Variants in NPC1 observed in about 807,000 individuals in gnomAD.
The protein encoded by NPC1 is Niemann-Pick C1 protein.
NPC1 carries 85 observed loss-of-function variants against 140.4 expected under a neutral mutation model. That is an observed-to-expected ratio of 0.61 (90% CI 0.51 to 0.72). The LOEUF (loss-of-function observed/expected upper bound fraction) is 0.72, where lower values mean the gene tolerates loss of function less well. NPC1 is among the 30% of genes least tolerant of loss of function. The probability of loss-of-function intolerance (pLI) is 0.00; values close to 1 mark genes in which losing one functional copy is unlikely to be tolerated. For synonymous variants in NPC1, 656 were observed against 624.8 expected (o/e 1.05, Z -0.74); for missense variants, 1,504 against 1,623.8 (o/e 0.93, Z 1.27).
Position 23,535,694 on chromosome 18 carries a change from A to C in NPC1, c.3252T>G (p.Phe1084Leu). The C allele has an allele frequency of 1.9e-6, 3 of 1,610,738 alleles. No individual in the cohort carries two copies. Among genetic ancestry groups the C allele is most frequent in the Non-Finnish European group, 8.5e-7 (1 of 1,176,950 alleles). The part of the protein sequence containing the change: ...SAYRVFPYSV[F>L]YVFYEQYLTI... ...TCAGGTACTGTTCGTAGAAGACATA[A>C]AACACACTGGAGGGGAGAGGGGAGG... Residue 1084 changes from phenylalanine to leucine, a missense_variant, in exon 22 of 25, where the codon TTT becomes TTG. By Grantham distance (22) the Phe-to-Leu change is conservative. Coordinates refer to ENST00000269228, the MANE Select transcript of NPC1 (RefSeq NM_000271.5).
chr18:23,539,884 C>A lies in NPC1; in HGVS notation c.2722G>T (p.Val908Leu), dbSNP rs1418861175. 2 of 1,614,220 alleles carry A rather than the reference C, an allele frequency of 1.2e-6. No individual in the cohort carries two copies. The highest frequency in any genetic ancestry group is 1.7e-6 in the Non-Finnish European group (2 of 1,180,048). The change falls in exon 18 of 25, where the codon GTG becomes TTG. Residue 908 changes from valine to leucine, a missense_variant. Val to Leu is a conservative substitution (Grantham distance 32). Transcript: ENST00000269228. ...DYTSSKGQNMVCGGMGCNNDS... is the reference protein window; with the variant it reads ...DYTSSKGQNMLCGGMGCNNDS... ...TTGTTGCAGCCCATGCCGCCGCACA[C>A]CATGTTCTGCCCCTTGGAAGAAGTG...
chr18:23,557,744 AAAAC>A (rs10593231), intron 6 of NPC1, among the ~76,000 whole-genome samples: 22,659 of 152,088 alleles, frequency 0.15, 1,822 homozygotes, highest in Middle Eastern at 0.28. Flanking sequence ...CCATCTCAAA[AAAAC>A]AAACAAACAA....
chr18:23,529,789 G>T, downstream of NPC1: 1 of 1,402,496 alleles, frequency 7.1e-7, no homozygotes, highest in South Asian at 1.2e-5. Context: ...CTTAGAAGAT[G>T]ACTCATATGC....
At chr18:23,546,046 C>T (rs1433085663) in intron 11 of NPC1, among the ~76,000 whole-genome samples, 2 of 151,726 alleles carry the variant, frequency 1.3e-5, no homozygotes, top group Admixed American at 6.6e-5. Context: ...GTCAAGAGTT[C>T]GAGACTAGCC....
At chr18:23,586,193 C>T in intron 1 of NPC1, 94 bp downstream of exon 1, 2 of 1,375,956 alleles carry the variant, frequency 1.5e-6, no homozygotes, top group African/African-American at 1.5e-5. Context: ...TTCCCCAGGA[C>T]CCGGGCCTGA....
At chr18:23,543,598 ACATT>A in intron 13 of NPC1, 29 bp from the exon 14 acceptor site, 1 of 1,299,144 alleles carries the variant, frequency 7.7e-7, no homozygotes, top group Non-Finnish European at 1.1e-6. Flanking sequence ...AAATTATGCG[ACATT>A]AAAATTTCTC....
intron 10 of NPC1, 75 bp downstream of exon 10, chr18:23,551,551 TA>T: frequency 9.1e-7 from 1 of 1,098,756 alleles, no homozygotes; most frequent in Non-Finnish European, 1.4e-6. Flanking sequence ...GAAATCTTCA[TA>T]ATTACCACTT....
At chr18:23,586,005 CCTT>C (rs1567991443) in intron 1 of NPC1, among the ~76,000 whole-genome samples, 1 of 152,216 alleles carries the variant, frequency 6.6e-6, no homozygotes, top group African/African-American at 2.4e-5. Context: ...CACTTTCCTC[CCTT>C]CTTCTGGTGC....
chr18:23,513,908 A>G (rs546357304), intron 3 of NPC1, among the ~76,000 whole-genome samples: 1 of 152,264 alleles, frequency 6.6e-6, no homozygotes, highest in South Asian at 2.1e-4. Flanking sequence ...AGTTCTTTAT[A>G]TATTCTGATA....
intron 14 of NPC1, among the ~76,000 whole-genome samples, chr18:23,543,008 C>T (rs2058732512): frequency 6.6e-6 from 1 of 152,090 alleles, no homozygotes; most frequent in African/African-American, 2.4e-5. Context: ...TGATACTTTC[C>T]CAGTGCAGAA....
At chr18:23,540,039 A>G (rs1555633368) in intron 17 of NPC1, 38 bp from the exon 18 acceptor site, 2 of 1,550,532 alleles carry the variant, frequency 1.3e-6, no homozygotes, top group East Asian at 2.2e-5. Flanking sequence ...GAGTGTGAAC[A>G]CTCTGATAGT....
intron 3 of NPC1, chr18:23,516,049 C>G (rs2057994275): frequency 6.2e-7 from 1 of 1,610,686 alleles, no homozygotes; most frequent in Non-Finnish European, 8.5e-7. Flanking sequence ...GTCCCCTGTT[C>G]CTGTAGCATC....
In NPC1 at chr18:23,531,829, A is replaced by G. The variant is rs528272735; in HGVS notation, c.*373T>C. 1 of 1,483,356 alleles carries G rather than the reference A, an allele frequency of 6.7e-7. No individual in the cohort carries two copies. Among genetic ancestry groups the G allele is most frequent in the East Asian group, 2.4e-5 (1 of 41,224 alleles). The allele number at this position is 1,483,356 out of a possible 1,614,324, so 91.9% of individuals were successfully genotyped here. A position where few individuals can be genotyped will look rare whatever the true frequency, so the allele number is the denominator to read the frequency against. ...CCTCAACTGTCACTAAAAATATGGT[A>G]TAGAACTTGTGGGATGGCTTACTCC... On this transcript the variant is annotated 3_prime_UTR_variant, in exon 25 of 25. Transcript: ENST00000269228.
downstream of NPC1, chr18:23,527,818 T>G: frequency 6.2e-7 from 1 of 1,614,118 alleles, no homozygotes; most frequent in Non-Finnish European, 8.5e-7. Context: ...AGACAGAGCA[T>G]CGCTGCCCGT....
At chr18:23,520,343 C>T (rs768314783), downstream of NPC1, 49 of 1,542,106 alleles carry the variant, frequency 3.2e-5, no homozygotes, top group Non-Finnish European at 4.3e-5. Context: ...GGAGTCTGTG[C>T]TGCCCTTTCA....
downstream of NPC1, among the ~76,000 whole-genome samples, chr18:23,527,582 G>A (rs1401022295): frequency 7.4e-6 from 1 of 135,804 alleles, no homozygotes; most frequent in African/African-American, 2.8e-5. Flanking sequence ...AGCCTGGCCT[G>A]CTATAGCTTT....
chr18:23,557,549 G>A (rs1029693371), intron 6 of NPC1, among the ~76,000 whole-genome samples: 4 of 152,216 alleles, frequency 2.6e-5, no homozygotes, highest in African/African-American at 9.7e-5. Flanking sequence ...GAGGTCAAGA[G>A]ATCGAGACCA....
Position 23,531,927 on chromosome 18 carries a change from C to T in NPC1, c.*275G>A, listed in dbSNP as rs2058524571. On this transcript the variant is annotated 3_prime_UTR_variant, in exon 25 of 25. Transcript: ENST00000269228. ...GTGAGCGGATCACATTCACAGCCAT[C>T]TAGTGTCACCTCCTGCTTGCCAAAG... 10 of 1,444,012 alleles carry T rather than the reference C, an allele frequency of 6.9e-6. No individual in the cohort carries two copies. Among genetic ancestry groups the T allele is most frequent in the African/African-American group, 2.9e-5 (2 of 69,562 alleles). 89.4% of individuals were successfully genotyped at this position (1,444,012 alleles called of 1,614,324 possible). A position where few individuals can be genotyped will look rare whatever the true frequency, so the allele number is the denominator to read the frequency against.
chr18:23,509,253 A>G, intron 3 of NPC1: 1 of 1,455,632 alleles, frequency 6.9e-7, no homozygotes, highest in South Asian at 1.7e-5. Flanking sequence ...TGTCTTCATA[A>G]CAGATCAAGG....
Sources: allele counts gnomAD v4.1 joint callset (sites outside exome capture counted in the v4.1 genomes callset), GRCh38; gene constraint gnomAD v4.1.1; transcripts MANE v1.5; gene names NCBI Gene and HGNC (gene_info 2026-07-23, HGNC 2026-07-21).